The following MEX3D variants were observed in gnomAD, a reference collection of about 807,000 sequenced individuals.
MEX3D encodes mex-3 RNA binding family member D, also known as RNA-binding protein MEX3D.
Under a neutral mutation model 6.3 loss-of-function variants are expected in MEX3D, and 4 were observed. The ratio of observed to expected loss-of-function variants is 0.64; its 90% CI spans 0.31 to 1.46. The LOEUF (loss-of-function observed/expected upper bound fraction) is 1.46. Among genes scored for constraint, MEX3D ranks in the 40% most tolerant of loss-of-function variants. The probability of loss-of-function intolerance (pLI) is 0.07; values close to 1 mark genes in which losing one functional copy is unlikely to be tolerated. For missense variants in MEX3D, 1,038 were observed against 994.4 expected (o/e 1.04, Z -0.59); for synonymous variants, 626 against 494.1 (o/e 1.27, Z -3.54).
chr19:1,555,485 C>T lies in MEX3D; in HGVS notation c.*78G>A. ...CCCTCGCCCCCTCCCCGTCCCTCTC[C>T]CACCCCGGGTCCCGCCCCGTCTCCC... On this transcript the variant is annotated 3_prime_UTR_variant, in exon 2 of 2. Coordinates refer to ENST00000402693, the MANE Select transcript of MEX3D (RefSeq NM_203304.4). 6.7e-7 allele frequency: 1 copy of T among 1,499,416 alleles called. No homozygotes were observed. The highest frequency in any genetic ancestry group is 2.1e-5 in the Admixed American group (1 of 48,736). The allele number at this position is 1,499,416 out of a possible 1,614,324, so 92.9% of individuals were successfully genotyped here.
Position 1,556,271 on chromosome 19 carries a change from C to G in MEX3D, c.1248G>C (p.Pro416=). The G allele has an allele frequency of 7.7e-7, 1 of 1,297,944 alleles. No individual in the cohort carries two copies. Among genetic ancestry groups the G allele is most frequent in the East Asian group, 3.7e-5 (1 of 27,060 alleles). The allele number at this position is 1,297,944 out of a possible 1,614,324, so 80.4% of individuals were successfully genotyped here. Reference sequence around the variant, plus strand: ...TGTAGGGGCTGGCGGGGCCTGGGTCCGGCACGGAGGGGCCGCCGCGGCTGC... The same window carrying G: ...TGTAGGGGCTGGCGGGGCCTGGGTCGGGCACGGAGGGGCCGCCGCGGCTGC... ...YAGSRGGPSV[P]DPGPASPYSG... The change falls in exon 2 of 2, where the codon CCG becomes CCC. Residue 416 remains proline, a synonymous_variant. Transcript: ENST00000402693. This position sits in a 1 kb window ranked among gnomAD's most constrained non-coding sequence, Gnocchi z 7.5.
In MEX3D at chr19:1,564,693, T is replaced by C. The variant is rs550775864; in HGVS notation, c.595+2771A>G. Among the ~76,000 whole-genome samples the C allele has an allele frequency of 3.7e-3, 556 of 151,754 alleles. 6 individuals carry two copies. The highest frequency in any genetic ancestry group is 0.024 in the South Asian group (115 of 4,790). ...AGCTCAGAGAACAGCACGTAGCTACTGGGGAGAGGGCTGGTGCCAGGCCTG... is the reference window on the plus strand; with the variant it reads ...AGCTCAGAGAACAGCACGTAGCTACCGGGGAGAGGGCTGGTGCCAGGCCTG... On this transcript the variant is annotated intron_variant, in intron 1 of 1. Transcript: ENST00000402693.
intron 1 of MEX3D, among the ~76,000 whole-genome samples, chr19:1,562,380 C>T (rs1356991855): frequency 6.6e-6 from 1 of 151,668 alleles, no homozygotes; most frequent in Non-Finnish European, 1.5e-5. Context: ...CAAAAATTAG[C>T]CGGGCGTGGT....
chr19:1,565,676 C>A (rs539773373), intron 1 of MEX3D, among the ~76,000 whole-genome samples: 83 of 152,314 alleles, frequency 5.4e-4, no homozygotes, highest in Non-Finnish European at 1.0e-3. Context: ...AATCAGGGCC[C>A]ACTCTACCCC....
intron 1 of MEX3D, among the ~76,000 whole-genome samples, chr19:1,564,736 T>C (rs1914798323): frequency 6.6e-6 from 1 of 151,652 alleles, no homozygotes. Flanking sequence ...CTTGTCTAGG[T>C]GGGGAGGCCG....
At position 1,556,282 on chromosome 19, in the gene MEX3D, G is replaced by C. The variant is rs1313164106; in HGVS notation, c.1237C>G (p.Pro413Ala). ...EAFYAGSRGG[P>A]SVPDPGPASP... The stretch of plus-strand genomic sequence containing the variant: ...GCGGGGCCTGGGTCCGGCACGGAGG[G>C]GCCGCCGCGGCTGCCCGCGTAGAAG... The change falls in exon 2 of 2, where the codon CCC becomes GCC. Residue 413 changes from proline to alanine, a missense_variant. This residue lies in a region of MEX3D where 581 missense variants were observed against 516.2 expected (regional missense o/e 1.13). Coordinates refer to ENST00000402693, the MANE Select transcript of MEX3D (RefSeq NM_203304.4). This position sits in a 1 kb window ranked among gnomAD's most constrained non-coding sequence, Gnocchi z 7.5. The C allele has an allele frequency of 3.9e-6, 5 of 1,275,696 alleles. No individual in the cohort carries two copies. The highest frequency in any genetic ancestry group is 3.2e-5 in the African/African-American group (2 of 62,360). The allele number at this position is 1,275,696 out of a possible 1,614,324, so 79.0% of individuals were successfully genotyped here. A position where few individuals can be genotyped will look rare whatever the true frequency, so the allele number is the denominator to read the frequency against.
chr19:1,559,903 C>T (rs538291722), intron 1 of MEX3D, among the ~76,000 whole-genome samples: 1 of 152,292 alleles, frequency 6.6e-6, no homozygotes, highest in Non-Finnish European at 1.5e-5. Flanking sequence ...ACACCTGTCC[C>T]TCCCAGTCGC....
rs533812743 is a variant in MEX3D at position 1,555,427 on chromosome 19, C to T, written c.*136G>A. ...TTAAAGCTCATCTGTAAACACTGGC[C>T]GCCGCCCACCCCCCTGCCCCCTCGG... On this transcript the variant is annotated 3_prime_UTR_variant, in exon 2 of 2. Coordinates refer to ENST00000402693, the MANE Select transcript of MEX3D (RefSeq NM_203304.4). 6 of 1,556,612 alleles carry T rather than the reference C, an allele frequency of 3.9e-6. No individual in the cohort carries two copies. The highest frequency in any genetic ancestry group is 1.8e-5 in the Admixed American group (1 of 55,554).
chr19:1,563,386 C>T (rs1250973151), intron 1 of MEX3D, among the ~76,000 whole-genome samples: 1 of 152,212 alleles, frequency 6.6e-6, no homozygotes, highest in East Asian at 1.9e-4. Flanking sequence ...TGAGCAGCTT[C>T]CAGTCCAGGC....
At position 1,556,327 on chromosome 19, in the gene MEX3D, C is replaced by T; in HGVS notation, c.1192G>A (p.Ala398Thr). 7.5e-7 allele frequency: 1 copy of T among 1,336,530 alleles called. No homozygotes were observed. 82.8% of individuals were successfully genotyped at this position (1,336,530 alleles called of 1,614,324 possible). ...TAGAAGGCCTCGGGGGCGCTGGGGGCGCCCAGGGCCGTGTCCCCGCGGAGG... is the reference window on the plus strand; with the variant it reads ...TAGAAGGCCTCGGGGGCGCTGGGGGTGCCCAGGGCCGTGTCCCCGCGGAGG... ...AGLRGDTALG[A>T]PSAPEAFYAG... Residue 398 changes from alanine to threonine, a missense_variant, in exon 2 of 2, where the codon GCC becomes ACC. Ala to Thr is a moderately conservative substitution (Grantham distance 58). Around this residue, in one of 5 missense-constraint regions of MEX3D, gnomAD observed 581 missense variants for 516.2 expected, o/e 1.13. Coordinates refer to ENST00000402693, the MANE Select transcript of MEX3D (RefSeq NM_203304.4). The surrounding 1 kb of genome is among the most constrained non-coding windows in gnomAD (Gnocchi z 7.5).
chr19:1,555,855 C>A lies in MEX3D; in HGVS notation c.1664G>T (p.Gly555Val). The A allele has an allele frequency of 2.2e-6, 3 of 1,333,430 alleles. No individual in the cohort carries two copies. Among genetic ancestry groups the A allele is most frequent in the Non-Finnish European group, 1.9e-6 (2 of 1,047,552 alleles). The allele number at this position is 1,333,430 out of a possible 1,614,324, so 82.6% of individuals were successfully genotyped here. ...CGAGGTGGCCGTGGAGAAGGCGGCG[C>A]CGCCTGGGAAGGATACGGGGCCCTG... The part of the protein sequence containing the change: ...PPQGPVSFPG[G>V]AAFSTATSLP... The change falls in exon 2 of 2, where the codon GGC becomes GTC. Residue 555 changes from glycine (G) to valine (V), a missense_variant. Around this residue, in one of 5 missense-constraint regions of MEX3D, gnomAD observed 581 missense variants for 516.2 expected, o/e 1.13. Coordinates refer to ENST00000402693, the MANE Select transcript of MEX3D (RefSeq NM_203304.4).
Position 1,555,577 on chromosome 19 carries a change from G to A in MEX3D, c.1942C>T (p.His648Tyr). 1.9e-6 allele frequency: 3 copies of A among 1,585,674 alleles called. No individual in the cohort carries two copies. Among genetic ancestry groups the A allele is most frequent in the South Asian group, 1.2e-5 (1 of 86,956 alleles). The change falls in exon 2 of 2, where the codon CAT (histidine) becomes TAT (tyrosine). Residue 648 changes from histidine to tyrosine, a missense_variant. By Grantham distance (83) the His-to-Tyr change is moderately conservative. Coordinates refer to ENST00000402693, the MANE Select transcript of MEX3D (RefSeq NM_203304.4). The part of the protein sequence containing the change: ...ACRTPATQAI[H>Y]IFS ...TGGTCCGCGCTCTAGGAAAAGATAT[G>A]AATGGCCTGGGTGGCCGGCGTGCGG...
Position 1,555,390 on chromosome 19 carries a change from C to T in MEX3D, c.*173G>A. 1 of 1,600,668 alleles carries T rather than the reference C, an allele frequency of 6.2e-7. No homozygotes were observed. Among genetic ancestry groups the T allele is most frequent in the South Asian group, 1.1e-5 (1 of 90,060 alleles). ...GGCTGCGGGGTCTCCGTCTCCACGCCTGAGGCGGCAGTTAAAGCTCATCTG... is the reference window on the plus strand; with the variant it reads ...GGCTGCGGGGTCTCCGTCTCCACGCTTGAGGCGGCAGTTAAAGCTCATCTG... On this transcript the variant is annotated 3_prime_UTR_variant, in exon 2 of 2. Coordinates refer to ENST00000402693, the MANE Select transcript of MEX3D (RefSeq NM_203304.4).
intron 1 of MEX3D, among the ~76,000 whole-genome samples, chr19:1,561,862 G>C (rs868860952): frequency 1.3e-5 from 2 of 152,076 alleles, no homozygotes; most frequent in Non-Finnish European, 2.9e-5. Context: ...GCCCAGGCTG[G>C]TCTGGAACTC....
At position 1,555,034 on chromosome 19, in the gene MEX3D, G is replaced by GCCCCCCCCCCCCC. The variant is rs60802257; in HGVS notation, c.*528_*529insGGGGGGGGGGGGG. ...GAACGCCCCTCGCCCCCGCCCCCCT[G>GCCCCCCCCCCCCC]CCCCCTCCGGCCGCGCACGGTTGAT... On this transcript the variant is annotated 3_prime_UTR_variant, in exon 2 of 2. Coordinates refer to ENST00000402693, the MANE Select transcript of MEX3D (RefSeq NM_203304.4). 16 of 103,798 alleles carry GCCCCCCCCCCCCC rather than the reference G, an allele frequency of 1.5e-4. No individual in the cohort carries two copies. Among genetic ancestry groups the GCCCCCCCCCCCCC allele is most frequent in the Admixed American group, 5.2e-4 (5 of 9,644 alleles). The allele number at this position is 103,798 out of a possible 1,614,324, so 6.4% of individuals were successfully genotyped here.
At position 1,555,319 on chromosome 19, in the gene MEX3D, T is replaced by C; in HGVS notation, c.*244A>G. The C allele has an allele frequency of 7.5e-6, 12 of 1,597,520 alleles. No individual in the cohort carries two copies. Among genetic ancestry groups the C allele is most frequent in the Non-Finnish European group, 1.0e-5 (12 of 1,170,686 alleles). ...CGGACCTTTTCTCTCCGGTTTATTG[T>C]AACCTGACCACTCAATACTGTCGTT... On this transcript the variant is annotated 3_prime_UTR_variant, in exon 2 of 2. Coordinates refer to ENST00000402693, the MANE Select transcript of MEX3D (RefSeq NM_203304.4).
rs761595001 is a variant in MEX3D at position 1,555,733 on chromosome 19, G to C, written c.1786C>G (p.Leu596Val). ...KPPSASSAPA[L>V]ARECVVCAEG... ...GCGCACACCACGCACTCTCGCGCCA[G>C]GGCCGGGGCCGAGGACGCCGAAGGG... The change falls in exon 2 of 2, where the codon CTG (leucine) becomes GTG (valine). Residue 596 changes from leucine (L) to valine (V), a missense_variant. Around this residue, in one of 5 missense-constraint regions of MEX3D, gnomAD observed 581 missense variants for 516.2 expected, o/e 1.13. Coordinates refer to ENST00000402693, the MANE Select transcript of MEX3D (RefSeq NM_203304.4). 1.1e-5 allele frequency: 17 copies of C among 1,521,576 alleles called. No homozygotes were observed. The South Asian group carries it at 1.8e-4, about 16-fold the overall frequency. 94.3% of individuals were successfully genotyped at this position (1,521,576 alleles called of 1,614,324 possible). A position where few individuals can be genotyped will look rare whatever the true frequency, so the allele number is the denominator to read the frequency against.
In MEX3D at chr19:1,556,436, G is replaced by C. The variant is rs1381101504; in HGVS notation, c.1083C>G (p.Val361=). The C allele has an allele frequency of 6.3e-7, 1 of 1,595,988 alleles. No homozygotes were observed. The highest frequency in any genetic ancestry group is 2.2e-5 in the East Asian group (1 of 44,586). Residue 361 remains valine, a synonymous_variant, in exon 2 of 2, where the codon GTC becomes GTG. Coordinates refer to ENST00000402693, the MANE Select transcript of MEX3D (RefSeq NM_203304.4). This position sits in a 1 kb window ranked among gnomAD's most constrained non-coding sequence, Gnocchi z 7.5. ...DSDFHANGTD[V]CLDLLGAAAS... is the part of the protein sequence containing the mutation. The stretch of plus-strand genomic sequence containing the variant: ...CGGCCGCCCCGAGCAGGTCCAGGCA[G>C]ACGTCGGTGCCGTTGGCGTGGAAGT...
Position 1,556,844 on chromosome 19 carries a change from G to A in MEX3D, c.675C>T (p.Ile225=). Residue 225 remains isoleucine (I), a synonymous_variant, in exon 2 of 2, where the codon ATC becomes ATT. Transcript: ENST00000402693. The surrounding 1 kb of genome is among the most constrained non-coding windows in gnomAD (Gnocchi z 7.5). ...TPVRGEEPVF[I]VTGRKEDVEM... ...CCACGTCCTCCTTCCGGCCGGTCAC[G>A]ATGAAGACCGGCTCCTCGCCCCGCA... The A allele has an allele frequency of 1.2e-6, 2 of 1,612,604 alleles. No homozygotes were observed. Among genetic ancestry groups the A allele is most frequent in the Admixed American group, 1.7e-5 (1 of 60,028 alleles).
Sources: allele counts gnomAD v4.1 joint callset (sites outside exome capture counted in the v4.1 genomes callset), GRCh38; gene constraint gnomAD v4.1.1; regional missense constraint gnomAD v4.1.1; non-coding constraint Gnocchi (gnomAD v3.1); transcripts MANE v1.5; gene names NCBI Gene and HGNC (gene_info 2026-07-23, HGNC 2026-07-21).